DPP6: variants seen among roughly 807,000 people sequenced by gnomAD.
DPP6 encodes dipeptidyl peptidase like 6, also known as A-type potassium channel modulatory protein DPP6.
A neutral mutation model predicts 122.6 loss-of-function variants in DPP6; 69 were observed. The ratio of observed to expected loss-of-function variants is 0.56; its 90% CI spans 0.46 to 0.69. DPP6 has a LOEUF of 0.69. Ranked by LOEUF, DPP6 falls within the 30% of genes least tolerant of loss-of-function variation. The pLI is 0.00. For missense variants in DPP6, 928 were observed against 1,116.9 expected (o/e 0.83, Z 2.41); for synonymous variants, 418 against 433.1 (o/e 0.97, Z 0.43).
At chr7:154,831,439 T>C (rs1394483036) in intron 16 of DPP6, among the ~76,000 whole-genome samples, 1 of 152,146 alleles carries the variant, frequency 6.6e-6, no homozygotes, top group East Asian at 1.9e-4. Flanking sequence ...ATTGCAAAAG[T>C]TTTAGAAAGG....
intron 1 of DPP6, among the ~76,000 whole-genome samples, chr7:154,140,615 C>T (rs1795796815): frequency 6.6e-6 from 1 of 152,116 alleles, no homozygotes; most frequent in African/African-American, 2.4e-5. Context: ...AACACTGCAC[C>T]CAGCCAGGAA....
rs564138475 is a variant in DPP6, at chr7:154,624,051, C to T, written c.628-13770C>T. ...TCTACTAAAAATACAAAAATTAGGC[C>T]GGGTGTAGTGGCTCACGCCAGTAAT... On this transcript the variant is annotated intron_variant, in intron 5 of 25. Coordinates refer to ENST00000377770, the MANE Select transcript of DPP6 (RefSeq NM_130797.4). The surrounding 1 kb of genome is among the most constrained non-coding windows in gnomAD (Gnocchi z 4.7). Among the ~76,000 whole-genome samples, 102 of 151,984 alleles carry T rather than the reference C, an allele frequency of 6.7e-4. No homozygotes were observed. Among genetic ancestry groups the T allele is most frequent in the Admixed American group, 1.1e-3 (17 of 15,262 alleles).
chr7:154,735,198 G>C (rs1842516688), intron 8 of DPP6, among the ~76,000 whole-genome samples: 1 of 152,160 alleles, frequency 6.6e-6, no homozygotes, highest in Non-Finnish European at 1.5e-5. Context: ...ACCTCTTCAA[G>C]AGCCTTCTGT....
At chr7:153,828,811 G>A in the DPP6 span, among the ~76,000 whole-genome samples, 1 of 152,114 alleles carries the variant, frequency 6.6e-6, no homozygotes, top group African/African-American at 2.4e-5. Context: ...TGAGCTACCT[G>A]AAGGCTGTAA....
At chr7:154,436,712 C>G (rs1477872097) in intron 1 of DPP6, among the ~76,000 whole-genome samples, 1 of 152,120 alleles carries the variant, frequency 6.6e-6, no homozygotes, top group African/African-American at 2.4e-5. Context: ...GGTCTAGAAA[C>G]AGAGGACAGC....
At chr7:153,947,136 A>C (rs1356945492) in intron 1 of DPP6, among the ~76,000 whole-genome samples, 1 of 152,198 alleles carries the variant, frequency 6.6e-6, no homozygotes, top group Admixed American at 6.5e-5. Context: ...ATTGAAAGCC[A>C]CCAATGTACT....
chr7:154,102,654 T>G (rs1805833041), intron 1 of DPP6, among the ~76,000 whole-genome samples: 2 of 152,296 alleles, frequency 1.3e-5, no homozygotes, highest in Admixed American at 6.5e-5. Flanking sequence ...AGGATAAGTC[T>G]CATATCTGTG....
the DPP6 span, among the ~76,000 whole-genome samples, chr7:153,803,842 T>TACAC: frequency 1.3e-5 from 2 of 149,170 alleles, no homozygotes; most frequent in African/African-American, 2.6e-5. Flanking sequence ...TATGTGTACA[T>TACAC]ACACACACAC....
intron 5 of DPP6, among the ~76,000 whole-genome samples, chr7:154,637,497 C>G (rs1835801272): frequency 6.6e-6 from 1 of 152,210 alleles, no homozygotes; most frequent in South Asian, 2.1e-4. Context: ...GCCTGATGGT[C>G]TCCAATGACC....
chr7:153,975,989 G>T (rs1315522028), intron 1 of DPP6, among the ~76,000 whole-genome samples: 1 of 152,092 alleles, frequency 6.6e-6, no homozygotes, highest in African/African-American at 2.4e-5. Context: ...CAAGTGCCTG[G>T]CATGTAGAAA....
chr7:154,803,896 C>G lies in DPP6; in HGVS notation c.1440C>G (p.Ile480Met), dbSNP rs1798532853. ...PNSSNDNIQS[I>M]TSGDWDVTKI... ...GCAGCAACGACAACATCCAGTCCAT[C>G]ACCTCCGGGGACTGGGACGTGACCA... is the stretch of plus-strand genomic sequence containing the variant. The change falls in exon 14 of 26, where the codon ATC becomes ATG. Residue 480 changes from isoleucine (I) to methionine (M), a missense_variant. Transcript: ENST00000377770. 1 of 1,613,800 alleles carries G rather than the reference C, an allele frequency of 6.2e-7. No individual in the cohort carries two copies.
chr7:154,637,790 G>A (rs1050238298), intron 5 of DPP6, 31 bp from the exon 6 acceptor site: 2 of 1,552,716 alleles, frequency 1.3e-6, no homozygotes, highest in Non-Finnish European at 1.7e-6. Flanking sequence ...TTGTCTCAAT[G>A]CCTACCTTTT....
chr7:154,255,048 G>A (rs1353777693), intron 1 of DPP6, among the ~76,000 whole-genome samples: 5 of 152,022 alleles, frequency 3.3e-5, no homozygotes, highest in African/African-American at 1.2e-4. Context: ...AACCACATGG[G>A]CAAAAAAATA....
chr7:154,781,346 G>A (rs914969998), intron 10 of DPP6, among the ~76,000 whole-genome samples: 28 of 152,150 alleles, frequency 1.8e-4, no homozygotes, highest in Admixed American at 1.1e-3. Context: ...AAAGGATGCC[G>A]CAGTCCCTAA....
intron 1 of DPP6, among the ~76,000 whole-genome samples, chr7:154,313,685 GTATATATA>G (rs1170662489): frequency 2.0e-4 from 4 of 20,476 alleles, no homozygotes; most frequent in Admixed American, 6.2e-4. Flanking sequence ...TTAAGATATG[GTATATATA>G]TATATATATA....
chr7:154,385,892 G>A (rs984336525), intron 1 of DPP6, among the ~76,000 whole-genome samples: 3 of 152,192 alleles, frequency 2.0e-5, no homozygotes, highest in African/African-American at 7.2e-5. Flanking sequence ...TGAACAGCCA[G>A]AACTTTGATT....
At chr7:154,718,970 C>T (rs886239148) in intron 7 of DPP6, among the ~76,000 whole-genome samples, 1 of 152,064 alleles carries the variant, frequency 6.6e-6, no homozygotes, top group African/African-American at 2.4e-5. Context: ...AATGATTCAT[C>T]CCCCCACTGC....
intron 1 of DPP6, among the ~76,000 whole-genome samples, chr7:154,367,559 T>C (rs1270813695): frequency 6.6e-6 from 1 of 152,204 alleles, no homozygotes; most frequent in East Asian, 1.9e-4. Context: ...TTTCATTGAA[T>C]TGAAAAGCCA....
chr7:154,743,407 A>G (rs1267871724), intron 8 of DPP6, among the ~76,000 whole-genome samples: 1 of 152,192 alleles, frequency 6.6e-6, no homozygotes, highest in African/African-American at 2.4e-5. Context: ...ACAGGAGAAA[A>G]GAATGGAGTT....
Sources: allele counts gnomAD v4.1 joint callset (sites outside exome capture counted in the v4.1 genomes callset), GRCh38; gene constraint gnomAD v4.1.1; non-coding constraint Gnocchi (gnomAD v3.1); transcripts MANE v1.5; gene names NCBI Gene and HGNC (gene_info 2026-07-23, HGNC 2026-07-21).